Variants in COL15A1 observed in about 807,000 individuals in gnomAD.
COL15A1 encodes the protein collagen type XV alpha 1 chain.
In COL15A1, 111 loss-of-function variants were observed where a neutral mutation model predicts 165.9. The observed-to-expected ratio is 0.67, with a 90% CI of 0.57 to 0.78. COL15A1 has a LOEUF of 0.78. Among genes scored for constraint, COL15A1 ranks in the 30% least tolerant of loss-of-function variants. The pLI is 0.00. For missense variants in COL15A1, 1,745 were observed against 1,789.7 expected (o/e 0.98, Z 0.45); for synonymous variants, 659 against 674.8 (o/e 0.98, Z 0.36).
At chr9:99,014,873 A>G (rs1005461636) in intron 9 of COL15A1, among the ~76,000 whole-genome samples, 4 of 152,200 alleles carry the variant, frequency 2.6e-5, no homozygotes, top group Admixed American at 6.5e-5. Flanking sequence ...TAGATAAAAG[A>G]CAAATGATTG....
intron 36 of COL15A1, among the ~76,000 whole-genome samples, chr9:99,061,739 T>G (rs1352818159): frequency 2.0e-5 from 3 of 152,248 alleles, no homozygotes; most frequent in African/African-American, 7.2e-5. Flanking sequence ...TTGTTTTAAT[T>G]CATTTATTAT....
chr9:98,989,321 G>C, intron 5 of COL15A1, 63 bp downstream of exon 5: 1 of 1,358,564 alleles, frequency 7.4e-7, no homozygotes, highest in Non-Finnish European at 1.0e-6. Flanking sequence ...AGAATTACTA[G>C]AGGGGGCCCA....
intron 22 of COL15A1, among the ~76,000 whole-genome samples, chr9:99,039,042 A>G (rs1839354977): frequency 6.6e-6 from 1 of 152,176 alleles, no homozygotes; most frequent in African/African-American, 2.4e-5. Context: ...TTTTATTTAC[A>G]TTATCTTATT....
intron 9 of COL15A1, among the ~76,000 whole-genome samples, chr9:99,012,036 A>G (rs1448445433): frequency 6.6e-6 from 1 of 152,200 alleles, no homozygotes; most frequent in Non-Finnish European, 1.5e-5. Context: ...TAGTTTTGTA[A>G]CCCTTGTGCC....
intron 22 of COL15A1, among the ~76,000 whole-genome samples, chr9:99,039,031 C>T (rs1304454792): frequency 6.6e-6 from 1 of 152,120 alleles, no homozygotes; most frequent in Non-Finnish European, 1.5e-5. Context: ...TTTTGGCCTG[C>T]TTTTATTTAC....
intron 16 of COL15A1, among the ~76,000 whole-genome samples, chr9:99,027,518 C>T (rs1417992765): frequency 6.6e-6 from 1 of 152,160 alleles, no homozygotes; most frequent in Non-Finnish European, 1.5e-5. Context: ...CTACACTCTT[C>T]TTACCTGTTC....
chr9:98,961,680 G>C (rs990539244), intron 2 of COL15A1, among the ~76,000 whole-genome samples: 2 of 152,060 alleles, frequency 1.3e-5, no homozygotes, highest in African/African-American at 4.8e-5. Context: ...TCCCACCCTC[G>C]GTCAGTCCTG....
At chr9:98,991,235 A>T (rs1037521754) in intron 5 of COL15A1, among the ~76,000 whole-genome samples, 1 of 138,500 alleles carries the variant, frequency 7.2e-6, no homozygotes, top group African/African-American at 2.8e-5. Context: ...TCACTCAGGC[A>T]GCCTGCTTTT....
intron 14 of COL15A1, 37 bp from the exon 15 acceptor site, chr9:99,024,837 T>TC (rs1247671699): frequency 6.3e-7 from 1 of 1,597,170 alleles, no homozygotes; most frequent in Non-Finnish European, 8.5e-7. Flanking sequence ...CATTCGGTAT[T>TC]CCCCCACTGT....
At chr9:98,997,106 G>C (rs112247438) in intron 6 of COL15A1, 25 bp downstream of exon 6, 71 of 1,613,274 alleles carry the variant, frequency 4.4e-5, no homozygotes, top group East Asian at 6.7e-5. Flanking sequence ...ACATGCCTAC[G>C]TAGTGGCCTT....
At chr9:99,009,629 A>G (rs1370742180) in intron 9 of COL15A1, among the ~76,000 whole-genome samples, 1 of 152,214 alleles carries the variant, frequency 6.6e-6, no homozygotes, top group Non-Finnish European at 1.5e-5. Context: ...ACAAAATAGG[A>G]TCACAGGTCA....
Position 98,967,028 on chromosome 9 carries a change from C to A in COL15A1, c.101-18537C>A, listed in dbSNP as rs560472775. Among the ~76,000 whole-genome samples the A allele has an allele frequency of 1.9e-4, 29 of 152,326 alleles. No homozygotes were observed. In the Middle Eastern group the frequency reaches 0.01, roughly 54 times the overall value. On this transcript the variant is annotated intron_variant, in intron 2 of 41. Coordinates refer to ENST00000375001, the MANE Select transcript of COL15A1 (RefSeq NM_001855.5). ...TTGTACATTCATTCGTTCATTCATT[C>A]ATCAAATGCTCAATTTATGCCTACT...
chr9:98,972,083 G>A (rs1008607111), intron 2 of COL15A1, among the ~76,000 whole-genome samples: 1 of 152,162 alleles, frequency 6.6e-6, no homozygotes, highest in Non-Finnish European at 1.5e-5. Context: ...GTGCGAAGTA[G>A]GGTTCTCACT....
chr9:99,069,929 T>G lies in COL15A1; in HGVS notation c.*43T>G, dbSNP rs778819608. On this transcript the variant is annotated 3_prime_UTR_variant, in exon 42 of 42. Coordinates refer to ENST00000375001, the MANE Select transcript of COL15A1 (RefSeq NM_001855.5). Reference sequence around the variant, plus strand: ...TTAAAGAGTTTTCAATTTTTTCTTATGTGAAGAGTTGACACTGAAATCTAA... The same window carrying G: ...TTAAAGAGTTTTCAATTTTTTCTTAGGTGAAGAGTTGACACTGAAATCTAA... The G allele has an allele frequency of 1.4e-6, 2 of 1,478,246 alleles. No individual in the cohort carries two copies. The highest frequency in any genetic ancestry group is 1.4e-5 in the African/African-American group (1 of 71,274). 91.6% of individuals were successfully genotyped at this position (1,478,246 alleles called of 1,614,324 possible). A position where few individuals can be genotyped will look rare whatever the true frequency, so the allele number is the denominator to read the frequency against.
At chr9:99,051,874 G>T (rs774749440) in intron 30 of COL15A1, among the ~76,000 whole-genome samples, 2 of 152,146 alleles carry the variant, frequency 1.3e-5, no homozygotes, top group Non-Finnish European at 2.9e-5. Flanking sequence ...ACTTAATGAG[G>T]TGTCCAGAAT....
At chr9:98,982,179 C>A (rs1288311339) in intron 2 of COL15A1, among the ~76,000 whole-genome samples, 1 of 152,126 alleles carries the variant, frequency 6.6e-6, no homozygotes, top group African/African-American at 2.4e-5. Context: ...AGTGCAGTGG[C>A]ATGATCGTAT....
intron 6 of COL15A1, 67 bp downstream of exon 6, chr9:98,997,148 G>A: frequency 1.1e-5 from 17 of 1,576,450 alleles, no homozygotes; most frequent in South Asian, 2.3e-5. Flanking sequence ...TCCAGCCGGG[G>A]CCATGTATGT....
At chr9:99,020,288 G>A in intron 11 of COL15A1, 101 bp from the exon 12 acceptor site, 1 of 850,832 alleles carries the variant, frequency 1.2e-6, no homozygotes, top group Non-Finnish European at 2.0e-6. Context: ...CCTAGCTCAT[G>A]CCCAGCTCAC....
At chr9:99,060,245 TATATA>T (rs1427231781) in intron 36 of COL15A1, among the ~76,000 whole-genome samples, 159 of 121,742 alleles carry the variant, frequency 1.3e-3, no homozygotes, top group South Asian at 6.6e-3. Flanking sequence ...TATATATATA[TATATA>T]TATATATTTT....
Sources: allele counts gnomAD v4.1 joint callset (sites outside exome capture counted in the v4.1 genomes callset), GRCh38; gene constraint gnomAD v4.1.1; transcripts MANE v1.5; gene names NCBI Gene and HGNC (gene_info 2026-07-23, HGNC 2026-07-21).